Variants in CDH11 observed in about 807,000 individuals in gnomAD.
The protein encoded by CDH11 is cadherin 11.
A neutral mutation model predicts 67.8 loss-of-function variants in CDH11; 11 were observed. The observed-to-expected ratio is 0.16, with a 90% CI of 0.10 to 0.27. CDH11 has a LOEUF of 0.27. Among genes scored for constraint, CDH11 ranks in the 10% least tolerant of loss-of-function variants. The probability of loss-of-function intolerance (pLI) is 1.00; values close to 1 mark genes in which losing one functional copy is unlikely to be tolerated. For missense variants in CDH11, 847 were observed against 1,031.2 expected (o/e 0.82, Z 2.45); for synonymous variants, 419 against 400.0 (o/e 1.05, Z -0.57).
intron 6 of CDH11, among the ~76,000 whole-genome samples, chr16:64,988,646 G>A (rs540427795): frequency 3.9e-5 from 6 of 152,196 alleles, no homozygotes; most frequent in African/African-American, 1.2e-4. Flanking sequence ...TAATGATGGA[G>A]AACCATGCAT....
intron 6 of CDH11, among the ~76,000 whole-genome samples, chr16:64,989,398 G>T (rs2072573624): frequency 6.6e-6 from 1 of 152,164 alleles, no homozygotes; most frequent in Non-Finnish European, 1.5e-5. Context: ...GTGATAAGCA[G>T]AAAGAGGGAG....
At chr16:65,064,074 G>A (rs188325203) in intron 1 of CDH11, among the ~76,000 whole-genome samples, 14 of 152,286 alleles carry the variant, frequency 9.2e-5, no homozygotes, top group Non-Finnish European at 1.6e-4. Context: ...GCCAGGGAGG[G>A]GTCACCTTTG....
In CDH11 at chr16:65,045,345, A is replaced by G. The variant is rs976723693; in HGVS notation, c.-173+8459T>C. The stretch of plus-strand genomic sequence containing the variant: ...CCCTCAAAAGTATATATATATATAT[A>G]TATATATATATATATATATATATAT... On this transcript the variant is annotated intron_variant, in intron 2 of 12. Transcript: ENST00000268603. Among the ~76,000 whole-genome samples the G allele has an allele frequency of 6.5e-5, 5 of 76,584 alleles. 1 individual carries two copies. The highest frequency in any genetic ancestry group is 2.2e-4 in the African/African-American group (5 of 23,136). The allele number at this position is 76,584 out of a possible 152,430, so 50.2% of individuals were successfully genotyped here.
At chr16:64,994,972 C>T (rs925848605) in intron 4 of CDH11, among the ~76,000 whole-genome samples, 1 of 152,052 alleles carries the variant, frequency 6.6e-6, no homozygotes, top group Non-Finnish European at 1.5e-5. Context: ...GGCCACAAAA[C>T]AATAAAATCC....
At chr16:65,005,512 C>T (rs1488287406) in intron 2 of CDH11, among the ~76,000 whole-genome samples, 3 of 152,098 alleles carry the variant, frequency 2.0e-5, no homozygotes, top group Middle Eastern at 3.2e-3. Flanking sequence ...ACATCACATC[C>T]AAAAGCACAG....
Position 64,988,148 on chromosome 16 carries a change from C to T in CDH11, c.999+9G>A. ...CCACTGACACGTCTGATTCCTTACC[C>T]TAACTCACCTTTTTCAGCTTTATCA... On this transcript the variant is annotated intron_variant, in intron 7 of 12. Coordinates refer to ENST00000268603, the MANE Select transcript of CDH11 (RefSeq NM_001797.4). 6.2e-7 allele frequency: 1 copy of T among 1,600,810 alleles called. No homozygotes were observed. The highest frequency in any genetic ancestry group is 1.1e-5 in the South Asian group (1 of 88,648).
At chr16:65,035,536 C>T (rs2073736648) in intron 2 of CDH11, among the ~76,000 whole-genome samples, 1 of 152,130 alleles carries the variant, frequency 6.6e-6, no homozygotes, top group African/African-American at 2.4e-5. Context: ...ATTATCAAAC[C>T]CATCTGCTGA....
intron 6 of CDH11, among the ~76,000 whole-genome samples, chr16:64,988,669 C>A (rs2331531): frequency 0.012 from 1,775 of 152,192 alleles, 47 homozygotes; most frequent in African/African-American, 0.041. Context: ...CTTCATTTAG[C>A]AAAATAGCTG....
rs769323212 is a variant in CDH11 at position 64,988,325 on chromosome 16, C to G, written c.831G>C (p.Val277=). The G allele has an allele frequency of 4.3e-6, 7 of 1,613,052 alleles. No individual in the cohort carries two copies. The highest frequency in any genetic ancestry group is 4.2e-6 in the Non-Finnish European group (5 of 1,179,462). The part of the protein sequence containing the change: ...KFPQSVYQMS[V]SEAAVPGEEV... ...CCTCCCCAGGGACGGCTGCTTCTGA[C>G]ACAGACATCTGGTATACGCCTAGAA... Residue 277 remains valine (V), a synonymous_variant, in exon 7 of 13, where the codon GTG becomes GTC. Coordinates refer to ENST00000268603, the MANE Select transcript of CDH11 (RefSeq NM_001797.4).
At chr16:65,095,800 C>T (rs1222398459) in intron 1 of CDH11, among the ~76,000 whole-genome samples, 1 of 152,136 alleles carries the variant, frequency 6.6e-6, no homozygotes. Context: ...TATGTTGAAA[C>T]ATAATCTGTA....
At chr16:64,982,538 T>C (rs2072380978) in intron 7 of CDH11, 2 of 483,224 alleles carry the variant, frequency 4.1e-6, no homozygotes, top group Non-Finnish European at 7.3e-6. Context: ...GACCACGTCA[T>C]CTAAAATGAA....
chr16:65,047,129 G>A (rs527593549), intron 2 of CDH11, among the ~76,000 whole-genome samples: 2 of 152,102 alleles, frequency 1.3e-5, no homozygotes, highest in South Asian at 2.1e-4. Context: ...ATAAATCAAG[G>A]TGTAAAACAG....
intron 1 of CDH11, among the ~76,000 whole-genome samples, chr16:65,061,773 G>A (rs1246069227): frequency 2.0e-5 from 3 of 152,182 alleles, no homozygotes; most frequent in Non-Finnish European, 4.4e-5. Context: ...ATGTTCCGCA[G>A]ACACAACTTA....
In CDH11 at chr16:64,998,893, AG is replaced by A. The variant is rs769536743; in HGVS notation, c.229-38del. The A allele has an allele frequency of 3.3e-5, 53 of 1,583,430 alleles. No individual in the cohort carries two copies. The South Asian group carries it at 4.8e-4, about 14-fold the overall frequency. ...AGAAATTGAGATTTTTAATTCCATG[AG>A]GAAAGCAGTGGGGAAACTCACTTAC... On this transcript the variant is annotated intron_variant, in intron 3 of 12. Coordinates refer to ENST00000268603, the MANE Select transcript of CDH11 (RefSeq NM_001797.4).
intron 2 of CDH11, among the ~76,000 whole-genome samples, chr16:65,011,497 G>C (rs1309326465): frequency 6.6e-6 from 1 of 152,034 alleles, no homozygotes; most frequent in Non-Finnish European, 1.5e-5. Flanking sequence ...TCCAATGTAA[G>C]GCCCCAGACC....
intron 1 of CDH11, among the ~76,000 whole-genome samples, chr16:65,085,543 C>T (rs573229696): frequency 9.1e-4 from 138 of 152,270 alleles, no homozygotes; most frequent in African/African-American, 3.2e-3. Context: ...GTACTTAACA[C>T]GTGTCAAAAT....
At chr16:65,118,822 A>G (rs1377608282) in intron 1 of CDH11, 1 of 152,252 alleles carries the variant, frequency 6.6e-6, no homozygotes, top group Non-Finnish European at 1.5e-5. Context: ...CTGTCATCAA[A>G]GTGAAAACAT....
rs2071224303 is a variant in CDH11 at position 64,947,505 on chromosome 16, G to A, written c.*98C>T. 2.6e-6 allele frequency: 4 copies of A among 1,512,448 alleles called. No homozygotes were observed. The highest frequency in any genetic ancestry group is 3.5e-6 in the Non-Finnish European group (4 of 1,133,682). 93.7% of individuals were successfully genotyped at this position (1,512,448 alleles called of 1,614,324 possible). A position where few individuals can be genotyped will look rare whatever the true frequency, so the allele number is the denominator to read the frequency against. Reference sequence around the variant, plus strand: ...CTGTAAAACTTTGCCTGTTTTAAATGAGCCTTTCCTTGATTTAAAAAAATA... The same window carrying A: ...CTGTAAAACTTTGCCTGTTTTAAATAAGCCTTTCCTTGATTTAAAAAAATA... On this transcript the variant is annotated 3_prime_UTR_variant, in exon 13 of 13. Transcript: ENST00000268603.
At chr16:65,095,374 A>G (rs901035762) in intron 1 of CDH11, among the ~76,000 whole-genome samples, 1 of 152,118 alleles carries the variant, frequency 6.6e-6, no homozygotes, top group Admixed American at 6.6e-5. Context: ...AACCTACTCC[A>G]CCATCTAAAG....
Sources: gnomAD v4.1 joint callset for allele counts (sites outside exome capture counted in the v4.1 genomes callset) on GRCh38, gnomAD v4.1.1 for gene constraint, MANE v1.5 for transcripts, NCBI Gene and HGNC (gene_info 2026-07-23, HGNC 2026-07-21) for gene names.